The following TENM2 variants were observed in gnomAD, a reference collection of about 807,000 sequenced individuals.
TENM2 encodes teneurin transmembrane protein 2, also known as teneurin-2.
TENM2 carries 52 observed loss-of-function variants against 245.2 expected under a neutral mutation model. That is an observed-to-expected ratio of 0.21 (90% CI 0.17 to 0.27). The LOEUF (loss-of-function observed/expected upper bound fraction) is 0.27, where lower values mean the gene tolerates loss of function less well. TENM2 is among the 10% of genes least tolerant of loss of function. The pLI, the probability that TENM2 is intolerant of heterozygous loss-of-function variation, is 1.00. For missense variants in TENM2, 3,046 were observed against 3,666.8 expected (o/e 0.83, Z 4.37); for synonymous variants, 1,363 against 1,438.9 (o/e 0.95, Z 1.19).
the TENM2 span, among the ~76,000 whole-genome samples, chr5:167,130,852 G>A: frequency 7.2e-6 from 1 of 139,102 alleles, no homozygotes; most frequent in African/African-American, 2.8e-5. Context: ...TTTTTCCTCT[G>A]CCTTCTTTCC....
chr5:167,324,195 C>T (rs956888158), intron 1 of TENM2, among the ~76,000 whole-genome samples: 4 of 152,174 alleles, frequency 2.6e-5, no homozygotes, highest in African/African-American at 9.7e-5. Flanking sequence ...CAATCAATGA[C>T]AACCATTATA....
intron 2 of TENM2, among the ~76,000 whole-genome samples, chr5:167,562,490 G>A (rs369182117): frequency 1.1e-4 from 16 of 152,234 alleles, no homozygotes; most frequent in African/African-American, 2.6e-4. Context: ...CCCAGGTCAC[G>A]TCTGTTCTGC....
intron 2 of TENM2, among the ~76,000 whole-genome samples, chr5:167,448,349 C>T (rs1223731428): frequency 6.6e-6 from 1 of 151,920 alleles, no homozygotes; most frequent in Non-Finnish European, 1.5e-5. Flanking sequence ...TTTATTGTGG[C>T]TCGACACAGT....
Position 167,350,732 on chromosome 5 carries a change from T to TATATATATGGGATATATACATAC in TENM2, c.227-24466_227-24465insATATATATGGGATATATACATAC, listed in dbSNP as rs1561883617. Among the ~76,000 whole-genome samples, 76 of 88,758 alleles carry TATATATATGGGATATATACATAC rather than the reference T, an allele frequency of 8.6e-4. 1 individual carries two copies. The East Asian group carries it at 9.7e-3, about 11-fold the overall frequency. The allele number at this position is 88,758 out of a possible 152,430, so 58.2% of individuals were successfully genotyped here. On this transcript the variant is annotated intron_variant, in intron 1 of 28. Transcript: ENST00000518659. Reference sequence around the variant, plus strand: ...TATATATATATGGGATATATACATATGGATATATATATATGGGATATATAC... The same window carrying TATATATATGGGATATATACATAC: ...TATATATATATGGGATATATACATATATATATATGGGATATATACATACGGATATATATATATGGGATATATAC...
chr5:167,863,319 A>G (rs1341089591), intron 2 of TENM2, among the ~76,000 whole-genome samples: 2 of 152,144 alleles, frequency 1.3e-5, no homozygotes, highest in African/African-American at 4.8e-5. Context: ...ACATTTCTTT[A>G]AAGTACTGAT....
At chr5:168,226,251 A>T in exon 24 of TENM2, 1 of 1,613,070 alleles carries the variant, frequency 6.2e-7, no homozygotes. Context: ...GGCCTCCTAC[A>T]CAGTGGTACA....
chr5:167,889,466 G>A (rs1774564490), intron 3 of TENM2, among the ~76,000 whole-genome samples: 1 of 152,138 alleles, frequency 6.6e-6, no homozygotes, highest in Admixed American at 6.6e-5. Context: ...TGGTAATGGA[G>A]CACTCGTTCC....
At chr5:167,928,895 CAAA>C (rs767167658) in intron 3 of TENM2, among the ~76,000 whole-genome samples, 2 of 21,580 alleles carry the variant, frequency 9.3e-5, no homozygotes, top group Non-Finnish European at 1.8e-4. Context: ...GACCCTGGCT[CAAA>C]AAAAAAAAAA....
At chr5:167,479,003 T>TGTGC (rs1303531908) in intron 2 of TENM2, among the ~76,000 whole-genome samples, 1 of 152,006 alleles carries the variant, frequency 6.6e-6, no homozygotes, top group African/African-American at 2.4e-5. Flanking sequence ...TGTGTGTGTG[T>TGTGC]GTATACAGGT....
the TENM2 span, among the ~76,000 whole-genome samples, chr5:167,136,189 A>G: frequency 2.6e-5 from 4 of 152,208 alleles, no homozygotes; most frequent in East Asian, 7.7e-4. Context: ...CTGCATACCA[A>G]CCCAGCTGGA....
In TENM2 at chr5:167,675,919, G is replaced by A. The variant is rs553984798; in HGVS notation, c.503-200067G>A. ...CATGTTATCCCAGTTACTGTACACT[G>A]CTCAGGTTGCTTGGGTAGTACATGA... is the stretch of plus-strand genomic sequence containing the variant. On this transcript the variant is annotated intron_variant, in intron 2 of 28. Transcript: ENST00000518659. 1.6e-4 allele frequency among the ~76,000 whole-genome samples: 25 copies of A among 152,090 alleles called. 1 individual carries two copies. The highest frequency in any genetic ancestry group is 8.8e-5 in the Non-Finnish European group (6 of 67,978).
rs190557354 is a variant in TENM2, at chr5:168,211,896, T to G, written c.3845+142T>G. The G allele has an allele frequency of 2.5e-3, 1,394 of 552,958 alleles. 1 individual carries two copies. Among genetic ancestry groups the G allele is most frequent in the Non-Finnish European group, 4.0e-3 (1,245 of 314,594 alleles). The allele number at this position is 552,958 out of a possible 1,614,324, so 34.3% of individuals were successfully genotyped here. ...GTAACTTTTTTATGTGCTAATTGTGTGTTGTGGATATGATAAGCTTTAGCA... is the reference window on the plus strand; with the variant it reads ...GTAACTTTTTTATGTGCTAATTGTGGGTTGTGGATATGATAAGCTTTAGCA... On this transcript the variant is annotated intron_variant, in intron 20 of 28. Coordinates refer to ENST00000518659, the Ensembl canonical transcript of TENM2.
intron 2 of TENM2, among the ~76,000 whole-genome samples, chr5:167,513,963 C>G (rs1770142367): frequency 6.6e-6 from 1 of 152,116 alleles, no homozygotes; most frequent in African/African-American, 2.4e-5. Context: ...GTAGGGTCTC[C>G]TCTTTAGTCT....
rs1341410837 is a variant in TENM2 at position 167,890,990 on chromosome 5, TTCAA to T, written c.712+14796_712+14799del. 4.6e-5 allele frequency among the ~76,000 whole-genome samples: 7 copies of T among 152,184 alleles called. No homozygotes were observed. In the East Asian group the frequency reaches 1.3e-3, roughly 29 times the overall value. On this transcript the variant is annotated intron_variant, in intron 3 of 28. Transcript: ENST00000518659. ...GATAATCCATTTGAGGGATAAAAAT[TTCAA>T]GTGACTTACTGGTGGACCATATTTA...
intron 2 of TENM2, among the ~76,000 whole-genome samples, chr5:167,487,732 T>C (rs1768165533): frequency 6.6e-6 from 1 of 152,198 alleles, no homozygotes; most frequent in Non-Finnish European, 1.5e-5. Context: ...TGTAAAAATG[T>C]GAGACAAAAG....
At chr5:167,209,661 C>T in the TENM2 span, among the ~76,000 whole-genome samples, 1 of 152,174 alleles carries the variant, frequency 6.6e-6, no homozygotes, top group African/African-American at 2.4e-5. Flanking sequence ...TGTAAAATCA[C>T]TTTTTCTTTC....
At chr5:167,466,832 A>G (rs901624827) in intron 2 of TENM2, among the ~76,000 whole-genome samples, 3 of 152,132 alleles carry the variant, frequency 2.0e-5, no homozygotes, top group African/African-American at 7.2e-5. Flanking sequence ...TTTCTCACGT[A>G]AGCAAGGTCT....
At chr5:168,232,217 AAAG>A (rs1764994628) in intron 25 of TENM2, 1 of 152,326 alleles carries the variant, frequency 6.6e-6, no homozygotes, top group Non-Finnish European at 1.5e-5. Flanking sequence ...GCGAGGAAAG[AAAG>A]AAGGTAGGGG....
At chr5:167,026,677 T>A in the TENM2 span, among the ~76,000 whole-genome samples, 1 of 152,176 alleles carries the variant, frequency 6.6e-6, no homozygotes, top group East Asian at 1.9e-4. Context: ...TGATTCCCGG[T>A]GAGGCGTATA....
Sources: allele counts gnomAD v4.1 joint callset (sites outside exome capture counted in the v4.1 genomes callset), GRCh38; gene constraint gnomAD v4.1.1; transcripts MANE v1.5; gene names NCBI Gene and HGNC (gene_info 2026-07-23, HGNC 2026-07-21).